The following PCDHA1 variants were observed in gnomAD, a reference collection of about 807,000 sequenced individuals.
PCDHA1 encodes the protein protocadherin alpha 1.
PCDHA1 carries 42 observed loss-of-function variants against 61.3 expected under a neutral mutation model. That is an observed-to-expected ratio of 0.69 (90% CI 0.54 to 0.89). PCDHA1 has a LOEUF of 0.89. Ranked by LOEUF, PCDHA1 falls within the 40% of genes least tolerant of loss-of-function variation. PCDHA1 has a pLI of 0.00. For missense variants in PCDHA1, 1,256 were observed against 1,235.3 expected (o/e 1.02, Z -0.25); for synonymous variants, 610 against 553.8 (o/e 1.10, Z -1.43).
intron 1 of PCDHA1, chr5:140,796,930 G>A (rs1321854589): frequency 6.2e-7 from 1 of 1,613,736 alleles, no homozygotes; most frequent in Non-Finnish European, 8.5e-7. Context: ...GGACCACGGC[G>A]AACCAGCGTT....
chr5:140,801,703 C>T, intron 1 of PCDHA1: 2 of 1,614,138 alleles, frequency 1.2e-6, no homozygotes, highest in Non-Finnish European at 1.7e-6. Context: ...TCGTTGTTGA[C>T]TTACAGTCTT....
intron 1 of PCDHA1, among the ~76,000 whole-genome samples, chr5:140,907,645 T>C (rs2073515740): frequency 1.3e-5 from 2 of 152,328 alleles, no homozygotes; most frequent in South Asian, 4.1e-4. Flanking sequence ...TGCTGGCAAA[T>C]TGGGCACTCA....
chr5:140,823,168 G>A (rs2150123028), intron 1 of PCDHA1: 46 of 1,613,838 alleles, frequency 2.9e-5, no homozygotes, highest in Non-Finnish European at 3.7e-5. Flanking sequence ...GTTCGTGAAG[G>A]AGAACAACCC....
At position 140,847,060 on chromosome 5, in the gene PCDHA1, C is replaced by T. The variant is rs1457152734; in HGVS notation, c.2394+58376C>T. ...TAAGGAAAGTTGAAGACACAGAAAG[C>T]ATCAATATGACAAGTAGAAAAGTCC... On this transcript the variant is annotated intron_variant, in intron 1 of 3. Coordinates refer to ENST00000504120, the MANE Select transcript of PCDHA1 (RefSeq NM_018900.4). 1.3e-5 allele frequency among the ~76,000 whole-genome samples: 2 copies of T among 149,600 alleles called. 1 individual carries two copies. Among genetic ancestry groups the T allele is most frequent in the Non-Finnish European group, 3.0e-5 (2 of 66,898 alleles).
intron 1 of PCDHA1, chr5:140,858,421 G>A (rs782781172): frequency 1.3e-6 from 2 of 1,557,082 alleles, no homozygotes; most frequent in Non-Finnish European, 1.7e-6. Flanking sequence ...CTATTGGAGG[G>A]GACCACTCTA....
chr5:140,788,455 G>C lies in PCDHA1; in HGVS notation c.2165G>C (p.Arg722Pro), dbSNP rs782756031. The change falls in exon 1 of 4, where the codon CGG becomes CCG. Residue 722 changes from arginine (R) to proline (P), a missense_variant. By Grantham distance (103) the Arg-to-Pro change is moderately radical (BLOSUM62 -2). Coordinates refer to ENST00000504120, the MANE Select transcript of PCDHA1 (RefSeq NM_018900.4). ...ACACTGCTGCTGTACACGGCGCTGC[G>C]GTGCTCAGTGCCGCCCACTGAGGGT... ...VLTLLLYTAL[R>P]CSVPPTEGAY... 2 of 1,614,106 alleles carry C rather than the reference G, an allele frequency of 1.2e-6. No homozygotes were observed. Among genetic ancestry groups the C allele is most frequent in the Non-Finnish European group, 1.7e-6 (2 of 1,179,994 alleles).
chr5:140,966,845 C>T, intron 1 of PCDHA1: 2 of 1,570,442 alleles, frequency 1.3e-6, no homozygotes, highest in South Asian at 2.3e-5. Context: ...GCTGCTACTG[C>T]CTCTCCTGCT....
chr5:140,938,443 A>C (rs1324427427), intron 1 of PCDHA1, among the ~76,000 whole-genome samples: 1 of 152,180 alleles, frequency 6.6e-6, no homozygotes, highest in African/African-American at 2.4e-5. Context: ...AGATTTATTA[A>C]GTTCCCTTTG....
intron 1 of PCDHA1, among the ~76,000 whole-genome samples, chr5:140,800,643 A>G (rs1762584883): frequency 6.6e-6 from 1 of 152,218 alleles, no homozygotes; most frequent in Admixed American, 6.5e-5. Flanking sequence ...ATATCGTTTT[A>G]CTTAACCTCT....
chr5:140,937,106 C>T (rs2091337574), intron 1 of PCDHA1, among the ~76,000 whole-genome samples: 1 of 149,206 alleles, frequency 6.7e-6, no homozygotes, highest in Admixed American at 6.7e-5. Context: ...GGCGCAGTCT[C>T]GGCTCACTGC....
At chr5:140,795,474 C>T (rs144516913) in intron 1 of PCDHA1, 1 of 1,614,144 alleles carries the variant, frequency 6.2e-7, no homozygotes, top group Non-Finnish European at 8.5e-7. Context: ...TTCTCTCCTA[C>T]AAGCTCAGCT....
At chr5:140,944,907 T>A (rs246063) in intron 1 of PCDHA1, among the ~76,000 whole-genome samples, 85,748 of 151,952 alleles carry the variant, frequency 0.56, 24,800 homozygotes, top group African/African-American at 0.69. Flanking sequence ...TTCCACAAAC[T>A]TCTCTTTATA....
chr5:140,916,303 A>G (rs2077518127), intron 1 of PCDHA1, among the ~76,000 whole-genome samples: 1 of 152,176 alleles, frequency 6.6e-6, no homozygotes, highest in Admixed American at 6.5e-5. Context: ...ACTGGTACCA[A>G]AGGTGCAAGA....
intron 1 of PCDHA1, among the ~76,000 whole-genome samples, chr5:140,887,231 A>G (rs570148204): frequency 7.0e-4 from 106 of 151,572 alleles, no homozygotes; most frequent in Admixed American, 1.4e-3. Context: ...CGAGTAGCTG[A>G]GACTACCGGC....
chr5:140,884,350 G>A, intron 1 of PCDHA1: 1 of 1,613,918 alleles, frequency 6.2e-7, no homozygotes, highest in South Asian at 1.1e-5. Flanking sequence ...CGGCGCTGGT[G>A]GATGTCAATG....
chr5:140,803,468 G>T, intron 1 of PCDHA1: 3 of 1,614,252 alleles, frequency 1.9e-6, no homozygotes, highest in African/African-American at 1.3e-5. Context: ...GGCAGCAGAG[G>T]GTGTGCTCTG....
chr5:140,802,286 T>TCC, intron 1 of PCDHA1: 1 of 1,614,250 alleles, frequency 6.2e-7, no homozygotes, highest in Middle Eastern at 1.6e-4. Flanking sequence ...TAGAAGACTC[T>TCC]CCACTTAGCA....
At chr5:140,804,810 A>C (rs1763463780) in intron 1 of PCDHA1, 1 of 314,220 alleles carries the variant, frequency 3.2e-6, no homozygotes, top group African/African-American at 2.1e-5. Context: ...AATAGTAACC[A>C]ACTGAAACCT....
intron 1 of PCDHA1, chr5:140,837,311 A>G (rs1328894218): frequency 1.3e-5 from 2 of 152,060 alleles, no homozygotes; most frequent in Non-Finnish European, 2.9e-5. Context: ...TGTATTTGCC[A>G]TGTTCATGAA....
Sources: allele counts gnomAD v4.1 joint callset (sites outside exome capture counted in the v4.1 genomes callset), GRCh38; gene constraint gnomAD v4.1.1; transcripts MANE v1.5; gene names NCBI Gene and HGNC (gene_info 2026-07-23, HGNC 2026-07-21).